Variants in AKT1 observed in about 807,000 individuals in gnomAD.
AKT1 encodes AKT serine/threonine kinase 1, also known as RAC-alpha serine/threonine-protein kinase.
A neutral mutation model predicts 63.1 loss-of-function variants in AKT1; 21 were observed. The ratio of observed to expected loss-of-function variants is 0.33; its 90% CI spans 0.24 to 0.48. The LOEUF is 0.48. AKT1 is among the 20% of genes least tolerant of loss of function. AKT1 has a pLI of 0.99. For synonymous variants in AKT1, 257 were observed against 253.1 expected (o/e 1.02, Z -0.15); for missense variants, 382 against 666.0 (o/e 0.57, Z 4.69).
intron 4 of AKT1, chr14:104,777,643 TG>T (rs1407483458): frequency 2.0e-6 from 2 of 986,888 alleles, no homozygotes; most frequent in Non-Finnish European, 2.4e-6. Flanking sequence ...GAGGTGTGAG[TG>T]AGTGGAGTGT....
chr14:104,780,734 C>T (rs996977336), intron 3 of AKT1, among the ~76,000 whole-genome samples: 7 of 152,086 alleles, frequency 4.6e-5, no homozygotes, highest in Non-Finnish European at 8.8e-5. Flanking sequence ...CCCGCCGCCA[C>T]CCACCAGGAG....
At chr14:104,787,471 G>A (rs553207593) in intron 3 of AKT1, among the ~76,000 whole-genome samples, 1 of 152,220 alleles carries the variant, frequency 6.6e-6, no homozygotes, top group Non-Finnish European at 1.5e-5. Context: ...ACAGCCACCA[G>A]TCTCAGCTAT....
intron 3 of AKT1, 136 bp downstream of exon 3, chr14:104,792,462 C>T: frequency 1.0e-6 from 1 of 980,144 alleles, no homozygotes. Flanking sequence ...GGGCCCAGGA[C>T]ACTCACCCTA....
intron 3 of AKT1, among the ~76,000 whole-genome samples, chr14:104,780,598 G>A (rs1374546735): frequency 2.6e-5 from 4 of 152,178 alleles, no homozygotes; most frequent in African/African-American, 4.8e-5. Context: ...GCAGCAGCTC[G>A]GGCCCCAGCT....
At chr14:104,772,088 C>T (rs1003866051) in intron 13 of AKT1, 7 of 554,378 alleles carry the variant, frequency 1.3e-5, no homozygotes, top group Non-Finnish European at 2.3e-5. Flanking sequence ...GTGTGACACA[C>T]CTCCGAGGGG....
intron 4 of AKT1, chr14:104,777,428 G>A: frequency 1.6e-6 from 1 of 618,266 alleles, no homozygotes; most frequent in South Asian, 4.8e-5. Context: ...GCACACCTGG[G>A]ACACAGCCAC....
At position 104,774,959 on chromosome 14, in the gene AKT1, G is replaced by A. The variant is rs1044733473; in HGVS notation, c.612C>T (p.Asn204=). 1.2e-6 allele frequency: 2 copies of A among 1,612,758 alleles called. No homozygotes were observed. The highest frequency in any genetic ancestry group is 1.7e-6 in the Non-Finnish European group (2 of 1,179,790). Residue 204 remains asparagine, a synonymous_variant, in exon 8 of 15, where the codon AAC becomes AAT. Transcript: ENST00000649815. ...TCACTGTGAGGAAGGGGTGCCTGGA[G>A]TTCTGCAGGACGCGGTTCTCGGTGA... ...HTLTENRVLQ[N]SRHPFLTALK... is the part of the protein sequence containing the mutation.
At chr14:104,778,957 T>G (rs950748664) in intron 4 of AKT1, among the ~76,000 whole-genome samples, 1 of 152,172 alleles carries the variant, frequency 6.6e-6, no homozygotes, top group African/African-American at 2.4e-5. Context: ...CACATACAGA[T>G]GGCCCACAAC....
intron 8 of AKT1, 171 bp from the exon 9 acceptor site, chr14:104,774,151 C>T (rs1418378539): frequency 1.6e-6 from 1 of 638,430 alleles, no homozygotes; most frequent in East Asian, 2.8e-5. Flanking sequence ...CCCGATACCA[C>T]ACTGCCCCAC....
In AKT1 at chr14:104,770,109, G is replaced by A. The variant is rs1420300357; in HGVS notation, c.*232C>T. On this transcript the variant is annotated 3_prime_UTR_variant, in exon 15 of 15. Transcript: ENST00000649815. ...TGTTCTGAGGGCTGAGGCCACACCC[G>A]GAGAACAAACTGGATGAAATAAATT... is the stretch of plus-strand genomic sequence containing the variant. The A allele has an allele frequency of 8.5e-6, 5 of 590,222 alleles. No individual in the cohort carries two copies. The highest frequency in any genetic ancestry group is 5.8e-5 in the Admixed American group (2 of 34,660). The allele number at this position is 590,222 out of a possible 1,614,324, so 36.6% of individuals were successfully genotyped here. A position where few individuals can be genotyped will look rare whatever the true frequency, so the allele number is the denominator to read the frequency against.
intron 12 of AKT1, 109 bp from the exon 13 acceptor site, chr14:104,772,561 GC>G: frequency 9.0e-7 from 1 of 1,107,738 alleles, no homozygotes; most frequent in Non-Finnish European, 1.3e-6. Context: ...ACGTTCCGGG[GC>G]CAGGGAGGGG....
chr14:104,770,205 T>C lies in AKT1; in HGVS notation c.*136A>G, dbSNP rs548181379. Reference sequence around the variant, plus strand: ...GTGCTGCCCACAGCACAAAAACGTCTTTCCATCTGGGCTCGAGAGGACAGC... The same window carrying C: ...GTGCTGCCCACAGCACAAAAACGTCCTTCCATCTGGGCTCGAGAGGACAGC... On this transcript the variant is annotated 3_prime_UTR_variant, in exon 15 of 15. Transcript: ENST00000649815. 1.0e-6 allele frequency: 1 copy of C among 972,718 alleles called. No individual in the cohort carries two copies. The highest frequency in any genetic ancestry group is 1.4e-5 in the South Asian group (1 of 70,874). 60.3% of individuals were successfully genotyped at this position (972,718 alleles called of 1,614,324 possible).
intron 1 of AKT1, chr14:104,794,140 G>C (rs1893766077): frequency 6.6e-6 from 1 of 152,398 alleles, no homozygotes; most frequent in African/African-American, 2.4e-5. Context: ...AATGCCCCAA[G>C]TACTTAGCAG....
intron 3 of AKT1, 65 bp downstream of exon 3, chr14:104,792,533 C>T: frequency 6.3e-7 from 1 of 1,591,490 alleles, no homozygotes; most frequent in Non-Finnish European, 8.6e-7. Flanking sequence ...CAGGCACTCA[C>T]AGACCCTGGG....
At chr14:104,772,261 TGAGGGCGAG>T in intron 13 of AKT1, 95 bp downstream of exon 13, 1 of 1,244,878 alleles carries the variant, frequency 8.0e-7, no homozygotes, top group Non-Finnish European at 1.2e-6. Flanking sequence ...GCTCCTGAGG[TGAGGGCGAG>T]TGTGTGGGAA....
Position 104,769,509 on chromosome 14 carries a change from C to T in AKT1, c.*832G>A. 3 of 531,956 alleles carry T rather than the reference C, an allele frequency of 5.6e-6. No homozygotes were observed. The highest frequency in any genetic ancestry group is 1.5e-5 in the South Asian group (1 of 64,966). 33.0% of individuals were successfully genotyped at this position (531,956 alleles called of 1,614,324 possible). Reference sequence around the variant, plus strand: ...GGAGGGGCCCAGGGATGGCCACCCCCACAGGGAGTCAGGGAGGGCCTGGGG... The same window carrying T: ...GGAGGGGCCCAGGGATGGCCACCCCTACAGGGAGTCAGGGAGGGCCTGGGG... On this transcript the variant is annotated 3_prime_UTR_variant, in exon 15 of 15. Coordinates refer to ENST00000649815, the MANE Select transcript of AKT1 (RefSeq NM_001382430.1).
At chr14:104,782,156 C>T (rs1893086550) in intron 3 of AKT1, among the ~76,000 whole-genome samples, 2 of 152,040 alleles carry the variant, frequency 1.3e-5, no homozygotes, top group South Asian at 4.1e-4. Context: ...AGAGCAGGCT[C>T]AGGGGGCTGC....
intron 1 of AKT1, chr14:104,794,217 AC>A (rs1893772799): frequency 6.6e-6 from 1 of 152,380 alleles, no homozygotes; most frequent in Non-Finnish European, 1.5e-5. Context: ...CGAGCCGCGC[AC>A]GCCTCAGGCA....
chr14:104,773,763 G>A (rs1892540486), intron 9 of AKT1, 149 bp downstream of exon 9: 2 of 1,203,974 alleles, frequency 1.7e-6, no homozygotes, highest in Non-Finnish European at 1.2e-6. Context: ...CCCCACAGCA[G>A]GCAGCTGCCT....
Sources: allele counts gnomAD v4.1 joint callset (sites outside exome capture counted in the v4.1 genomes callset), GRCh38; gene constraint gnomAD v4.1.1; transcripts MANE v1.5; gene names NCBI Gene and HGNC (gene_info 2026-07-23, HGNC 2026-07-21).